Variants in DNAI4 observed in about 807,000 individuals in gnomAD.
The protein encoded by DNAI4 is WD repeat domain 78.
DNAI4 carries 85 observed loss-of-function variants against 105.8 expected under a neutral mutation model. The ratio of observed to expected loss-of-function variants is 0.80; its 90% CI spans 0.67 to 0.96. The LOEUF (loss-of-function observed/expected upper bound fraction) is 0.96. Ranked by LOEUF, DNAI4 falls within the 40% of genes least tolerant of loss-of-function variation. The pLI is 0.00. For missense variants in DNAI4, 1,014 were observed against 1,005.6 expected, an observed-to-expected ratio of 1.01 and a Z score of -0.11; for synonymous variants, 352 against 331.5, an observed-to-expected ratio of 1.06 and a Z score of -0.67.
chr1:66,840,379 A>G, intron 9 of DNAI4, 90 bp downstream of exon 9: 1 of 1,234,686 alleles, frequency 8.1e-7, no homozygotes, highest in Non-Finnish European at 1.2e-6. Context: ...TCCTTGTGCC[A>G]TATCTAAGGA....
chr1:66,860,040 T>C (rs1291243178), intron 7 of DNAI4, among the ~76,000 whole-genome samples: 8 of 151,892 alleles, frequency 5.3e-5, no homozygotes. Flanking sequence ...ATGCAAAATA[T>C]TAATAATAGG....
intron 8 of DNAI4, among the ~76,000 whole-genome samples, chr1:66,841,660 T>A (rs1646151311): frequency 6.6e-6 from 1 of 152,152 alleles, no homozygotes; most frequent in Non-Finnish European, 1.5e-5. Flanking sequence ...CATGAGCCAC[T>A]GCACTTGGCC....
At chr1:66,877,892 T>A (rs978965150) in intron 4 of DNAI4, among the ~76,000 whole-genome samples, 14 of 152,142 alleles carry the variant, frequency 9.2e-5, no homozygotes, top group African/African-American at 3.4e-4. Flanking sequence ...ACTACAGAGG[T>A]AAAGTGTCAT....
At chr1:66,910,674 A>AT (rs1387540691) in intron 1 of DNAI4, among the ~76,000 whole-genome samples, 3 of 152,132 alleles carry the variant, frequency 2.0e-5, no homozygotes, top group East Asian at 1.9e-4. Flanking sequence ...CAAGTACTTC[A>AT]TATCTTCTTG....
At chr1:66,898,630 C>A (rs1004444887) in intron 2 of DNAI4, among the ~76,000 whole-genome samples, 12 of 152,172 alleles carry the variant, frequency 7.9e-5, no homozygotes, top group Admixed American at 6.5e-4. Context: ...GAGAGTCCCC[C>A]ACTAGCGAGG....
chr1:66,924,625 A>AG, intron 1 of DNAI4, 37 bp downstream of exon 1: 1 of 1,614,042 alleles, frequency 6.2e-7, no homozygotes, highest in Non-Finnish European at 8.5e-7. Flanking sequence ...TCCGGGTCCC[A>AG]GGGGGATGGA....
chr1:66,882,974 G>A (rs1413515578), intron 4 of DNAI4, among the ~76,000 whole-genome samples: 1 of 151,626 alleles, frequency 6.6e-6, no homozygotes, highest in Non-Finnish European at 1.5e-5. Flanking sequence ...CCTGTTTTGA[G>A]GCTTTCTGTG....
At chr1:66,836,252 G>GAA (rs1646006790) in intron 10 of DNAI4, among the ~76,000 whole-genome samples, 3 of 111,714 alleles carry the variant, frequency 2.7e-5, no homozygotes, top group South Asian at 2.7e-4. Context: ...GAAAGAGAGA[G>GAA]AGAGAAAGAA....
intron 7 of DNAI4, among the ~76,000 whole-genome samples, chr1:66,855,324 T>C (rs1488068176): frequency 6.6e-6 from 1 of 152,240 alleles, no homozygotes; most frequent in Non-Finnish European, 1.5e-5. Flanking sequence ...CTCTGATACT[T>C]ACATATGTAG....
At chr1:66,830,976 C>T (rs377506067) in intron 13 of DNAI4, among the ~76,000 whole-genome samples, 1 of 81,808 alleles carries the variant, frequency 1.2e-5, no homozygotes, top group Non-Finnish European at 2.2e-5. Flanking sequence ...GACTCTGTCA[C>T]AAAAAAAAAA....
At chr1:66,830,499 A>C (rs948191152) in intron 13 of DNAI4, among the ~76,000 whole-genome samples, 18 of 151,970 alleles carry the variant, frequency 1.2e-4, no homozygotes, top group Middle Eastern at 3.4e-3. Flanking sequence ...AAATTAGGCC[A>C]GGCGCGGTGG....
intron 4 of DNAI4, among the ~76,000 whole-genome samples, chr1:66,878,204 G>A (rs138091417): frequency 1.8e-4 from 27 of 152,062 alleles, no homozygotes; most frequent in East Asian, 1.5e-3. Flanking sequence ...GAACTCATGC[G>A]TATTTATTTT....
intron 13 of DNAI4, 104 bp downstream of exon 13, chr1:66,833,481 A>C: frequency 7.7e-7 from 1 of 1,293,224 alleles, no homozygotes; most frequent in East Asian, 2.4e-5. Context: ...TATTAGGCAC[A>C]GTATTCATTA....
chr1:66,826,037 C>T (rs1645745733), intron 15 of DNAI4, among the ~76,000 whole-genome samples: 1 of 152,178 alleles, frequency 6.6e-6, no homozygotes, highest in South Asian at 2.1e-4. Context: ...CCTCTAATAA[C>T]TTTGGTGTAA....
chr1:66,817,152 C>G (rs1338343149), intron 16 of DNAI4, among the ~76,000 whole-genome samples: 2 of 152,126 alleles, frequency 1.3e-5, no homozygotes, highest in Non-Finnish European at 2.9e-5. Flanking sequence ...TCTATCCAGT[C>G]TTCCACTGAT....
chr1:66,879,815 G>C (rs528870654), intron 4 of DNAI4, among the ~76,000 whole-genome samples: 2 of 152,184 alleles, frequency 1.3e-5, no homozygotes, highest in Admixed American at 6.5e-5. Flanking sequence ...TATGCCATCT[G>C]TATATCTTTT....
chr1:66,892,540 T>C (rs1647747524), intron 3 of DNAI4, among the ~76,000 whole-genome samples: 1 of 152,182 alleles, frequency 6.6e-6, no homozygotes, highest in Non-Finnish European at 1.5e-5. Flanking sequence ...TTGTTGTGAG[T>C]GTATGGAAAC....
chr1:66,880,257 G>A (rs920706116), intron 4 of DNAI4, among the ~76,000 whole-genome samples: 2 of 152,206 alleles, frequency 1.3e-5, no homozygotes, highest in African/African-American at 4.8e-5. Context: ...CCAGTAGAAT[G>A]GGGTGCTGCT....
chr1:66,851,016 TG>T (rs1045377852), intron 7 of DNAI4, among the ~76,000 whole-genome samples: 41 of 151,880 alleles, frequency 2.7e-4, no homozygotes, highest in African/African-American at 9.9e-4. Flanking sequence ...TAAATACAAA[TG>T]GTCTACATAT....
Sources: allele counts gnomAD v4.1 joint callset (sites outside exome capture counted in the v4.1 genomes callset), GRCh38; gene constraint gnomAD v4.1.1; transcripts MANE v1.5; gene names NCBI Gene and HGNC (gene_info 2026-07-23, HGNC 2026-07-21).